The following EFR3B variants were observed in gnomAD, a reference collection of about 807,000 sequenced individuals.
EFR3B encodes EFR3 homolog B.
EFR3B carries 64 observed loss-of-function variants against 104.7 expected under a neutral mutation model. The ratio of observed to expected loss-of-function variants is 0.61; its 90% confidence interval spans 0.50 to 0.75. The LOEUF (loss-of-function observed/expected upper bound fraction) is 0.75, where lower values mean the gene tolerates loss of function less well. EFR3B is among the 30% of genes least tolerant of loss of function. The probability of loss-of-function intolerance (pLI) is 0.00; values close to 1 mark genes in which losing one functional copy is unlikely to be tolerated. For synonymous variants in EFR3B, 385 were observed against 417.9 expected, an observed-to-expected ratio of 0.92 and a Z score of 0.96; for missense variants, 750 against 1,078.5, an observed-to-expected ratio of 0.70 and a Z score of 4.27.
chr2:25,122,644 A>G (rs975803401), intron 5 of EFR3B, among the ~76,000 whole-genome samples: 1 of 152,032 alleles, frequency 6.6e-6, no homozygotes, highest in Non-Finnish European at 1.5e-5. Flanking sequence ...AGGGATCTGC[A>G]TGGCTCACTG....
intron 1 of EFR3B, among the ~76,000 whole-genome samples, chr2:25,084,213 A>G (rs1668886732): frequency 6.6e-6 from 1 of 151,678 alleles, no homozygotes; most frequent in Non-Finnish European, 1.5e-5. Context: ...GGTCTCAGTT[A>G]ATTAATTATT....
Position 25,151,961 on chromosome 2 carries a change from G to A in EFR3B, c.2239G>A (p.Val747Met). Residue 747 changes from valine to methionine, a missense_variant, in exon 21 of 23, where the codon GTG becomes ATG. Coordinates refer to ENST00000403714, the MANE Select transcript of EFR3B (RefSeq NM_014971.2). ...EEQERERRRQ[V>M]VEKFQKAPFE... ...GCAGGAGCGTGAGCGGCGGCGGCAGGTGGTGGAGAAGTTCCAGAAGGCACC... is the reference window on the plus strand; with the variant it reads ...GCAGGAGCGTGAGCGGCGGCGGCAGATGGTGGAGAAGTTCCAGAAGGCACC... The A allele has an allele frequency of 6.4e-7, 1 of 1,551,740 alleles. No homozygotes were observed.
At chr2:25,051,981 A>G (rs546994582) in intron 1 of EFR3B, among the ~76,000 whole-genome samples, 6 of 150,976 alleles carry the variant, frequency 4.0e-5, no homozygotes, top group Non-Finnish European at 7.4e-5. Context: ...GGATCACCTG[A>G]GGTCAGGAGT....
At chr2:25,074,641 A>C (rs1416299408) in intron 1 of EFR3B, among the ~76,000 whole-genome samples, 1 of 149,510 alleles carries the variant, frequency 6.7e-6, no homozygotes, top group Admixed American at 6.6e-5. Flanking sequence ...TTTTGAGACA[A>C]GAGTTTTGCT....
intron 3 of EFR3B, among the ~76,000 whole-genome samples, chr2:25,100,649 C>T (rs950393263): frequency 6.6e-6 from 1 of 152,196 alleles, no homozygotes; most frequent in African/African-American, 2.4e-5. Flanking sequence ...CCTGCCACCG[C>T]GCCTGGCTAA....
intron 16 of EFR3B, among the ~76,000 whole-genome samples, chr2:25,140,462 T>C (rs1314481511): frequency 2.0e-5 from 3 of 152,290 alleles, no homozygotes; most frequent in East Asian, 3.9e-4. Flanking sequence ...TTCCAGCTTC[T>C]GGGCTGATAA....
At chr2:25,065,759 C>T (rs1668317098) in intron 1 of EFR3B, among the ~76,000 whole-genome samples, 1 of 152,124 alleles carries the variant, frequency 6.6e-6, no homozygotes, top group Non-Finnish European at 1.5e-5. Flanking sequence ...ACTCAGTGCC[C>T]CTGGGGTCCT....
chr2:25,090,776 C>T (rs981298572), intron 1 of EFR3B, among the ~76,000 whole-genome samples: 9 of 151,986 alleles, frequency 5.9e-5, no homozygotes, highest in African/African-American at 1.9e-4. Context: ...GGAGATAGGA[C>T]GATAGAGGGA....
intron 1 of EFR3B, among the ~76,000 whole-genome samples, chr2:25,048,114 TAA>T (rs896629013): frequency 6.6e-6 from 1 of 152,010 alleles, no homozygotes; most frequent in Non-Finnish European, 1.5e-5. Flanking sequence ...CTCCTGAGCT[TAA>T]GTGATCCTCC....
chr2:25,137,416 C>A lies in EFR3B; in HGVS notation c.1636C>A (p.Leu546Ile), dbSNP rs890324239. The change falls in exon 15 of 23, where the codon CTC becomes ATC. Residue 546 changes from leucine to isoleucine, a missense_variant. Leu to Ile is a conservative substitution (Grantham distance 5, BLOSUM62 2). Coordinates refer to ENST00000403714, the MANE Select transcript of EFR3B (RefSeq NM_014971.2). The surrounding 1 kb of genome is among the most constrained non-coding windows in gnomAD (Gnocchi z 4.7). The part of the protein sequence containing the change: ...ETNVQKHYEA[L>I]YGLLALISIE... ...AAACGTGCAGAAACACTACGAGGCG[C>A]TCTATGGCTTGCTGGCCCTCATCAG... 2 of 1,551,890 alleles carry A rather than the reference C, an allele frequency of 1.3e-6. No individual in the cohort carries two copies. Among genetic ancestry groups the A allele is most frequent in the Admixed American group, 3.9e-5 (2 of 51,004 alleles).
intron 1 of EFR3B, chr2:25,080,855 A>G: frequency 1.2e-6 from 1 of 846,060 alleles, no homozygotes; most frequent in Non-Finnish European, 2.1e-6. Flanking sequence ...TCATGGTTGC[A>G]TCATATTTCA....
chr2:25,077,793 C>T (rs1177121153), intron 1 of EFR3B, among the ~76,000 whole-genome samples: 2 of 152,018 alleles, frequency 1.3e-5, no homozygotes, highest in Non-Finnish European at 2.9e-5. Flanking sequence ...TTTTTTCCCC[C>T]GTTTTATAAA....
chr2:25,067,259 C>G (rs926683323), intron 1 of EFR3B, among the ~76,000 whole-genome samples: 2 of 152,144 alleles, frequency 1.3e-5, no homozygotes, highest in Non-Finnish European at 2.9e-5. Flanking sequence ...CAGCTCTACT[C>G]GGTGACCAGC....
At position 25,152,131 on chromosome 2, in the gene EFR3B, C is replaced by T. The variant is rs535407127; in HGVS notation, c.2298+111C>T. 1.7e-4 allele frequency: 165 copies of T among 976,610 alleles called. 1 individual carries two copies. The South Asian group carries it at 2.4e-3, about 14-fold the overall frequency. The allele number at this position is 976,610 out of a possible 1,614,324, so 60.5% of individuals were successfully genotyped here. A position where few individuals can be genotyped will look rare whatever the true frequency, so the allele number is the denominator to read the frequency against. The stretch of plus-strand genomic sequence containing the variant: ...TCTTGGCTCTTTGACCACCAACCTC[C>T]CCCACCCCCACCCTGCCAGACATCA... On this transcript the variant is annotated intron_variant, in intron 21 of 22. Coordinates refer to ENST00000403714, the MANE Select transcript of EFR3B (RefSeq NM_014971.2).
chr2:25,113,476 G>A (rs1669777170), intron 4 of EFR3B, among the ~76,000 whole-genome samples: 1 of 151,990 alleles, frequency 6.6e-6, no homozygotes, highest in African/African-American at 2.4e-5. Context: ...AGACCATCCT[G>A]GCTAACACGG....
intron 1 of EFR3B, among the ~76,000 whole-genome samples, chr2:25,076,910 C>T (rs1668647214): frequency 6.6e-6 from 1 of 152,210 alleles, no homozygotes; most frequent in Admixed American, 6.5e-5. Flanking sequence ...CACACTATCT[C>T]CCCAGGGAGA....
rs112515157 is a variant in EFR3B at position 25,114,126 on chromosome 2, T to C, written c.364-7547T>C. Among the ~76,000 whole-genome samples the C allele has an allele frequency of 3.1e-3, 477 of 152,284 alleles. 1 individual carries two copies. Among genetic ancestry groups the C allele is most frequent in the African/African-American group, 0.011 (461 of 41,554 alleles). On this transcript the variant is annotated intron_variant, in intron 4 of 22. Transcript: ENST00000403714. The surrounding 1 kb of genome is among the most constrained non-coding windows in gnomAD (Gnocchi z 4.0). The stretch of plus-strand genomic sequence containing the variant: ...TCAAGGTGGACTTCCGCAATAGGTG[T>C]GGTCCTTTGACCAGGGCCCCCGGGA...
intron 1 of EFR3B, among the ~76,000 whole-genome samples, chr2:25,087,466 C>T (rs1024265411): frequency 7.9e-5 from 12 of 151,144 alleles, no homozygotes; most frequent in African/African-American, 2.9e-4. Context: ...TTTGACGGCG[C>T]CTTTTGAAGA....
In EFR3B at chr2:25,151,977, A is replaced by G; in HGVS notation, c.2255A>G (p.Gln752Arg). The stretch of plus-strand genomic sequence containing the variant: ...CGGCGGCAGGTGGTGGAGAAGTTCC[A>G]GAAGGCACCCTTCGAGGAGATTGCT... Reference protein sequence around the residue: ...ERRRQVVEKFQKAPFEEIAAH... With the variant: ...ERRRQVVEKFRKAPFEEIAAH... The change falls in exon 21 of 23, where the codon CAG (glutamine) becomes CGG (arginine). Residue 752 changes from glutamine to arginine, a missense_variant. Transcript: ENST00000403714. The G allele has an allele frequency of 1.3e-6, 2 of 1,551,750 alleles. No homozygotes were observed. Among genetic ancestry groups the G allele is most frequent in the Non-Finnish European group, 8.7e-7 (1 of 1,146,998 alleles).
Sources: gnomAD v4.1 joint callset for allele counts (sites outside exome capture counted in the v4.1 genomes callset) on GRCh38, gnomAD v4.1.1 for gene constraint, Gnocchi (gnomAD v3.1) non-coding constraint, MANE v1.5 for transcripts, NCBI Gene and HGNC (gene_info 2026-07-23, HGNC 2026-07-21) for gene names.